Variants in LHX4 observed in about 807,000 individuals in gnomAD.
LHX4 encodes LIM homeobox 4.
Under a neutral mutation model 39.2 loss-of-function variants are expected in LHX4, and 16 were observed. The observed-to-expected ratio is 0.41, with a 90% CI of 0.28 to 0.62. The LOEUF (loss-of-function observed/expected upper bound fraction) is 0.62. LHX4 is among the 20% of genes least tolerant of loss of function. The pLI, the probability that LHX4 is intolerant of heterozygous loss-of-function variation, is 0.33. For missense variants in LHX4, 439 were observed against 511.9 expected (o/e 0.86, Z 1.37); for synonymous variants, 206 against 198.1 (o/e 1.04, Z -0.33).
intron 1 of LHX4, among the ~76,000 whole-genome samples, chr1:180,241,037 A>G (rs1051610455): frequency 6.6e-6 from 1 of 152,204 alleles, no homozygotes; most frequent in Non-Finnish European, 1.5e-5. Flanking sequence ...TCTAGGAAAA[A>G]ATGCTAGAAG....
At chr1:180,248,480 T>C (rs763807218) in intron 2 of LHX4, 24 bp downstream of exon 2, 2 of 1,613,144 alleles carry the variant, frequency 1.2e-6, no homozygotes, top group Admixed American at 3.3e-5. Context: ...GTCCGTCTCG[T>C]GGCCCTGGCC....
chr1:180,230,135 G>C (rs1664138393), upstream of LHX4, among the ~76,000 whole-genome samples: 1 of 151,746 alleles, frequency 6.6e-6, no homozygotes, highest in African/African-American at 2.4e-5. This position sits in a 1 kb window ranked among gnomAD's most constrained non-coding sequence, Gnocchi z 5.8. Context: ...GGAAAGCGAC[G>C]TCACGGCCGC....
At chr1:180,233,981 G>A (rs1248311716) in intron 1 of LHX4, among the ~76,000 whole-genome samples, 1 of 151,258 alleles carries the variant, frequency 6.6e-6, no homozygotes, top group Non-Finnish European at 1.5e-5. Context: ...ATGTCCCAGC[G>A]CAGGTCGAGT....
At position 180,274,825 on chromosome 1, in the gene LHX4, G is replaced by A. The variant is rs1648928017; in HGVS notation, c.*246G>A. 4.4e-6 allele frequency: 2 copies of A among 452,462 alleles called. No homozygotes were observed. The highest frequency in any genetic ancestry group is 7.8e-6 in the Non-Finnish European group (2 of 255,980). The allele number at this position is 452,462 out of a possible 1,614,324, so 28.0% of individuals were successfully genotyped here. A position where few individuals can be genotyped will look rare whatever the true frequency, so the allele number is the denominator to read the frequency against. On this transcript the variant is annotated 3_prime_UTR_variant, in exon 6 of 6. Transcript: ENST00000263726. ...GGGGGTAATGGCCTAGAGCTCTAGG[G>A]ACACTGGCTTGTTGGGTCTCTCCCC...
At chr1:180,237,826 A>G (rs1049593947) in intron 1 of LHX4, among the ~76,000 whole-genome samples, 1 of 152,248 alleles carries the variant, frequency 6.6e-6, no homozygotes, top group Admixed American at 6.5e-5. Flanking sequence ...GTTTCTTGCT[A>G]TGAGGGAAAG....
At chr1:180,254,431 C>T (rs111427103) in intron 2 of LHX4, among the ~76,000 whole-genome samples, 6 of 152,256 alleles carry the variant, frequency 3.9e-5, no homozygotes, top group South Asian at 2.1e-4. Context: ...GTGGGCTGTC[C>T]GCCAAGGGCA....
intron 2 of LHX4, among the ~76,000 whole-genome samples, chr1:180,261,456 G>A (rs1648109923): frequency 6.6e-6 from 1 of 152,172 alleles, no homozygotes. Context: ...TTCAAGGCCA[G>A]CCTCGGCAAC....
chr1:180,271,987 C>T lies in LHX4; in HGVS notation c.759C>T (p.Asp253=), dbSNP rs1648696577. 1 of 1,612,698 alleles carries T rather than the reference C, an allele frequency of 6.2e-7. No homozygotes were observed. Among genetic ancestry groups the T allele is most frequent in the East Asian group, 2.2e-5 (1 of 44,784 alleles). The change falls in exon 5 of 6, where the codon GAC becomes GAT. Residue 253 remains aspartate, a synonymous_variant. Transcript: ENST00000263726. Reference sequence around the variant, plus strand: ...CTGCAGAGGACTGTGGGGTTAGTGACAGTGAGCTGAGCTTCCGAGGTGAGC... The same window carrying T: ...CTGCAGAGGACTGTGGGGTTAGTGATAGTGAGCTGAGCTTCCGAGGTGAGC... ...ESSAEDCGVS[D]SELSFREDQI...
intron 2 of LHX4, among the ~76,000 whole-genome samples, chr1:180,255,651 AG>A (rs1174804812): frequency 5.9e-5 from 9 of 152,262 alleles, no homozygotes; most frequent in Non-Finnish European, 1.2e-4. Context: ...TAATCAAGGC[AG>A]AAGCAATTAC....
intron 2 of LHX4, among the ~76,000 whole-genome samples, chr1:180,263,956 T>C (rs1648211148): frequency 6.6e-6 from 1 of 152,126 alleles, no homozygotes; most frequent in Admixed American, 6.5e-5. Flanking sequence ...GATGAAAGCC[T>C]TGTTTCATTT....
intron 2 of LHX4, among the ~76,000 whole-genome samples, chr1:180,265,998 A>T (rs569946237): frequency 3.9e-5 from 6 of 152,248 alleles, no homozygotes; most frequent in Admixed American, 3.9e-4. Context: ...CCCTGTGAGG[A>T]TGTCCTCTGG....
chr1:180,259,492 G>A (rs374814533), intron 2 of LHX4, among the ~76,000 whole-genome samples: 2 of 151,796 alleles, frequency 1.3e-5, no homozygotes, highest in East Asian at 3.9e-4. Context: ...GGGTGTGCGA[G>A]TGGAAGGCAC....
intron 1 of LHX4, among the ~76,000 whole-genome samples, chr1:180,236,812 G>A (rs1326175095): frequency 6.6e-6 from 1 of 152,172 alleles, no homozygotes; most frequent in African/African-American, 2.4e-5. Flanking sequence ...GAGGACAAAA[G>A]GAGTAATATT....
intron 2 of LHX4, among the ~76,000 whole-genome samples, chr1:180,256,661 C>T (rs139964848): frequency 1.3e-5 from 2 of 152,300 alleles, no homozygotes; most frequent in East Asian, 1.9e-4. Flanking sequence ...TCTGTGCCAC[C>T]GCTGCACTGG....
At chr1:180,271,657 A>G (rs1429231825) in intron 4 of LHX4, 123 bp downstream of exon 4, 1 of 1,394,006 alleles carries the variant, frequency 7.2e-7, no homozygotes, top group Non-Finnish European at 1.0e-6. Flanking sequence ...GGCTTTTGCC[A>G]GAACTGAAGA....
chr1:180,252,452 C>A (rs1310672809), intron 2 of LHX4, among the ~76,000 whole-genome samples: 1 of 152,160 alleles, frequency 6.6e-6, no homozygotes, highest in South Asian at 2.1e-4. Context: ...CCCTTTTCCA[C>A]GCTCCTTGAA....
upstream of LHX4, among the ~76,000 whole-genome samples, chr1:180,229,719 C>T (rs1052917278): frequency 6.6e-6 from 1 of 151,876 alleles, no homozygotes; most frequent in African/African-American, 2.4e-5. Flanking sequence ...GACACAGCGA[C>T]GCAGCCCCGT....
At chr1:180,249,987 G>A (rs1161771935) in intron 2 of LHX4, among the ~76,000 whole-genome samples, 1 of 152,020 alleles carries the variant, frequency 6.6e-6, no homozygotes, top group Non-Finnish European at 1.5e-5. Flanking sequence ...GTGTGAGTGA[G>A]CGTGTGAATG....
chr1:180,252,149 G>A (rs962857008), intron 2 of LHX4, among the ~76,000 whole-genome samples: 13 of 152,196 alleles, frequency 8.5e-5, no homozygotes, highest in African/African-American at 2.9e-4. Context: ...CTCTGGGGCA[G>A]CCTGCTCCTC....
Sources: allele counts gnomAD v4.1 joint callset (sites outside exome capture counted in the v4.1 genomes callset), GRCh38; gene constraint gnomAD v4.1.1; non-coding constraint Gnocchi (gnomAD v3.1); transcripts MANE v1.5; gene names NCBI Gene and HGNC (gene_info 2026-07-23, HGNC 2026-07-21).